LINGO2: variants seen among roughly 807,000 people sequenced by gnomAD.
LINGO2 encodes the protein leucine-rich repeat and immunoglobulin-like domain-containing nogo receptor-interacting protein 2.
Under a neutral mutation model 30.6 loss-of-function variants are expected in LINGO2, and 14 were observed. The ratio of observed to expected loss-of-function variants is 0.46; its 90% CI spans 0.30 to 0.72. The LOEUF (loss-of-function observed/expected upper bound fraction) is 0.72, where lower values mean the gene tolerates loss of function less well. Among genes scored for constraint, LINGO2 ranks in the 30% least tolerant of loss-of-function variants. The pLI, the probability that LINGO2 is intolerant of heterozygous loss-of-function variation, is 0.07. For missense variants in LINGO2, 729 were observed against 751.7 expected, an observed-to-expected ratio of 0.97 and a Z score of 0.35; for synonymous variants, 317 against 288.5, an observed-to-expected ratio of 1.10 and a Z score of -1.00.
At chr9:28,101,720 C>T (rs1239729242) in intron 4 of LINGO2, among the ~76,000 whole-genome samples, 3 of 152,138 alleles carry the variant, frequency 2.0e-5, no homozygotes, top group Non-Finnish European at 4.4e-5. Context: ...TTGGTTACTA[C>T]TGTATGGGCT....
chr9:28,947,905 AG>A, the LINGO2 span, among the ~76,000 whole-genome samples: 1 of 152,022 alleles, frequency 6.6e-6, no homozygotes, highest in Non-Finnish European at 1.5e-5. Flanking sequence ...AACCATCTCC[AG>A]TGGATTTCCT....
chr9:28,346,285 A>G (rs528747551), intron 3 of LINGO2, among the ~76,000 whole-genome samples: 2 of 152,208 alleles, frequency 1.3e-5, no homozygotes, highest in East Asian at 3.9e-4. Flanking sequence ...TCCTACTTAT[A>G]TGTGAGAAAA....
chr9:28,368,112 G>A (rs1820748759), intron 3 of LINGO2, among the ~76,000 whole-genome samples: 1 of 151,836 alleles, frequency 6.6e-6, no homozygotes, highest in Non-Finnish European at 1.5e-5. Context: ...GGGATATAAT[G>A]TCTCATCATT....
At chr9:28,766,552 TG>T in the LINGO2 span, among the ~76,000 whole-genome samples, 3 of 151,948 alleles carry the variant, frequency 2.0e-5, no homozygotes, top group East Asian at 5.8e-4. Flanking sequence ...AACTACTATA[TG>T]AACCACAATC....
chr9:29,010,788 G>A, the LINGO2 span, among the ~76,000 whole-genome samples: 1 of 152,018 alleles, frequency 6.6e-6, no homozygotes, highest in Non-Finnish European at 1.5e-5. Context: ...AGGAGGCTGA[G>A]GCAGAATCAC....
the LINGO2 span, among the ~76,000 whole-genome samples, chr9:29,047,506 A>C: frequency 8.5e-5 from 13 of 152,280 alleles, no homozygotes; most frequent in Non-Finnish European, 1.6e-4. Context: ...AGGAAGACCC[A>C]TAGTTAGTAT....
chr9:28,877,524 C>T, the LINGO2 span, among the ~76,000 whole-genome samples: 1 of 152,076 alleles, frequency 6.6e-6, no homozygotes, highest in Non-Finnish European at 1.5e-5. Flanking sequence ...TTCCCCATTG[C>T]TTGTTTTTCT....
intron 4 of LINGO2, among the ~76,000 whole-genome samples, chr9:28,028,127 A>G (rs1823473648): frequency 6.6e-6 from 1 of 152,144 alleles, no homozygotes; most frequent in Non-Finnish European, 1.5e-5. Flanking sequence ...CACTCATGCT[A>G]TATTTGAACT....
chr9:28,499,351 A>G (rs1365764350), intron 1 of LINGO2, among the ~76,000 whole-genome samples: 1 of 152,196 alleles, frequency 6.6e-6, no homozygotes, highest in Non-Finnish European at 1.5e-5. Flanking sequence ...CAATATGTAT[A>G]TAAGAATAGA....
intron 2 of LINGO2, among the ~76,000 whole-genome samples, chr9:28,401,483 T>C (rs1797760155): frequency 6.6e-6 from 1 of 152,232 alleles, no homozygotes; most frequent in South Asian, 2.1e-4. Flanking sequence ...TTTTTATGGC[T>C]GCAGAGTATT....
intron 4 of LINGO2, among the ~76,000 whole-genome samples, chr9:28,054,850 A>G (rs963981714): frequency 6.6e-6 from 1 of 152,132 alleles, no homozygotes; most frequent in African/African-American, 2.4e-5. Flanking sequence ...TTAGGTTGTT[A>G]TGCCTTATTT....
At chr9:28,850,414 G>A in the LINGO2 span, among the ~76,000 whole-genome samples, 3 of 151,836 alleles carry the variant, frequency 2.0e-5, no homozygotes, top group Non-Finnish European at 2.9e-5. Context: ...CTCTTTCTGG[G>A]TATATGCATT....
At chr9:28,313,565 A>G (rs1046802774) in intron 3 of LINGO2, among the ~76,000 whole-genome samples, 10 of 152,146 alleles carry the variant, frequency 6.6e-5, no homozygotes, top group African/African-American at 1.4e-4. Context: ...AAATCTTTCA[A>G]TCATTGTCAT....
the LINGO2 span, among the ~76,000 whole-genome samples, chr9:28,815,289 T>C: frequency 6.6e-6 from 1 of 152,200 alleles, no homozygotes; most frequent in East Asian, 1.9e-4. Flanking sequence ...TTTCTTAATA[T>C]AATAGATTTG....
intron 4 of LINGO2, among the ~76,000 whole-genome samples, chr9:28,117,302 T>C (rs1225581201): frequency 6.7e-6 from 1 of 148,834 alleles, no homozygotes; most frequent in Non-Finnish European, 1.5e-5. Context: ...GGAGAACCAC[T>C]GCTCTCTTCA....
chr9:28,536,483 A>G (rs988187852), intron 1 of LINGO2, among the ~76,000 whole-genome samples: 1 of 152,130 alleles, frequency 6.6e-6, no homozygotes, highest in East Asian at 1.9e-4. Flanking sequence ...GTAATAATGC[A>G]TGAATGAAGA....
intron 4 of LINGO2, among the ~76,000 whole-genome samples, chr9:28,019,784 A>G (rs1823024310): frequency 6.6e-6 from 1 of 152,264 alleles, no homozygotes; most frequent in African/African-American, 2.4e-5. Flanking sequence ...TTGCTTATCA[A>G]ATTCAGGATT....
At chr9:28,717,903 G>A in the LINGO2 span, among the ~76,000 whole-genome samples, 1 of 151,914 alleles carries the variant, frequency 6.6e-6, no homozygotes, top group Non-Finnish European at 1.5e-5. Context: ...TTCAGAATGA[G>A]GGGATAATGA....
intron 4 of LINGO2, among the ~76,000 whole-genome samples, chr9:28,275,040 T>G (rs1482327775): frequency 6.6e-6 from 1 of 152,072 alleles, no homozygotes; most frequent in Non-Finnish European, 1.5e-5. Context: ...TAGTTCAGAA[T>G]GCTGGTCTTG....
Sources: gnomAD v4.1 joint callset for allele counts (sites outside exome capture counted in the v4.1 genomes callset) on GRCh38, gnomAD v4.1.1 for gene constraint, MANE v1.5 for transcripts, NCBI Gene and HGNC (gene_info 2026-07-23, HGNC 2026-07-21) for gene names.